The following LRPPRC variants were observed in gnomAD, a reference collection of about 807,000 sequenced individuals.
LRPPRC encodes the protein leucine rich pentatricopeptide repeat containing, also known as leucine-rich PPR motif-containing protein, mitochondrial.
A neutral mutation model predicts 180.3 loss-of-function variants in LRPPRC; 120 were observed. The observed-to-expected ratio is 0.67, with a 90% CI of 0.57 to 0.77. LRPPRC has a LOEUF of 0.77. LRPPRC is among the 30% of genes least tolerant of loss of function. LRPPRC has a pLI of 0.00. For synonymous variants in LRPPRC, 723 were observed against 600.0 expected (o/e 1.21, Z -3.00); for missense variants, 2,012 against 1,657.2 (o/e 1.21, Z -3.72).
intron 6 of LRPPRC, 44 bp from the exon 7 acceptor site, chr2:43,975,261 T>C: frequency 6.5e-7 from 1 of 1,548,674 alleles, no homozygotes; most frequent in Non-Finnish European, 8.9e-7. Flanking sequence ...TTTTGCCAAA[T>C]TTAATATAGT....
chr2:43,942,092 T>A lies in LRPPRC; in HGVS notation c.2504+1595A>T, dbSNP rs191766350. On this transcript the variant is annotated intron_variant, in intron 23 of 37. Coordinates refer to ENST00000260665, the MANE Select transcript of LRPPRC (RefSeq NM_133259.4). ...CACACCGTTTCCATTTTCCCATGGGTAAGCTCTCCTTGGTTCATGAGCCCC... is the reference window on the plus strand; with the variant it reads ...CACACCGTTTCCATTTTCCCATGGGAAAGCTCTCCTTGGTTCATGAGCCCC... 2.6e-3 allele frequency among the ~76,000 whole-genome samples: 402 copies of A among 152,200 alleles called. 3 individuals are homozygous for A. The highest frequency in any genetic ancestry group is 8.1e-3 in the South Asian group (39 of 4,818).
At chr2:43,908,172 G>A (rs1194158781) in intron 30 of LRPPRC, among the ~76,000 whole-genome samples, 2 of 152,182 alleles carry the variant, frequency 1.3e-5, no homozygotes, top group Non-Finnish European at 2.9e-5. Flanking sequence ...AAAAGATAAA[G>A]TAGGGTTGTT....
rs538339995 is a variant in LRPPRC at position 43,944,982 on chromosome 2, G to A, written c.2296+350C>T. ...TAGGTTTTACGTTTATAGGTTTTAC[G>A]TTCAGCCTTCAGACCTTCTTAAGCA... On this transcript the variant is annotated intron_variant, in intron 22 of 37. Coordinates refer to ENST00000260665, the MANE Select transcript of LRPPRC (RefSeq NM_133259.4). Among the ~76,000 whole-genome samples the A allele has an allele frequency of 7.8e-4, 119 of 152,150 alleles. No homozygotes were observed. In the Middle Eastern group the frequency reaches 0.01, roughly 13 times the overall value.
intron 14 of LRPPRC, among the ~76,000 whole-genome samples, chr2:43,952,137 G>C (rs1018001546): frequency 6.6e-6 from 1 of 151,944 alleles, no homozygotes; most frequent in Non-Finnish European, 1.5e-5. Context: ...AGGTTGCGGT[G>C]AGCCAAGATC....
At position 43,974,331 on chromosome 2, in the gene LRPPRC, C is replaced by A. The variant is rs760562489; in HGVS notation, c.1010-36G>T. 4 of 1,512,070 alleles carry A rather than the reference C, an allele frequency of 2.6e-6. No homozygotes were observed. The African/African-American group carries it at 5.5e-5, about 21-fold the overall frequency. 93.7% of individuals were successfully genotyped at this position (1,512,070 alleles called of 1,614,324 possible). The stretch of plus-strand genomic sequence containing the variant: ...AACAAAGACATCTTTTGTTAATAAA[C>A]TGAACAATATTTTTACACTGCAACC... On this transcript the variant is annotated intron_variant, in intron 8 of 37. Coordinates refer to ENST00000260665, the MANE Select transcript of LRPPRC (RefSeq NM_133259.4).
At chr2:43,893,237 C>G (rs1230299046) in intron 36 of LRPPRC, among the ~76,000 whole-genome samples, 3 of 152,170 alleles carry the variant, frequency 2.0e-5, no homozygotes, top group African/African-American at 7.2e-5. Flanking sequence ...GAGATGACAA[C>G]AAAGGATTCA....
At chr2:43,995,728 C>A in intron 1 of LRPPRC, 71 bp downstream of exon 1, 1 of 1,312,388 alleles carries the variant, frequency 7.6e-7, no homozygotes, top group Non-Finnish European at 9.7e-7. Flanking sequence ...GGACCCGGTC[C>A]CTGCCGGCAC....
rs763870781 is a variant in LRPPRC, at chr2:43,974,150, C to T, written c.1155G>A (p.Thr385=). 10 of 1,613,118 alleles carry T rather than the reference C, an allele frequency of 6.2e-6. No homozygotes were observed. Among genetic ancestry groups the T allele is most frequent in the East Asian group, 2.2e-5 (1 of 44,862 alleles). Residue 385 remains threonine, a splice_region_variant and synonymous_variant, in exon 9 of 38, where the codon ACG becomes ACA. Coordinates refer to ENST00000260665, the MANE Select transcript of LRPPRC (RefSeq NM_133259.4). ...FFLQHCVTMN[T]PVEKLTDYCK... ...TACAAAGTAAAAGTGGACAGAATAC[C>T]GTATTCATAGTCACACAGTGTTGTA...
chr2:43,991,655 G>C (rs1445867873), intron 1 of LRPPRC, among the ~76,000 whole-genome samples: 2 of 152,204 alleles, frequency 1.3e-5, no homozygotes, highest in African/African-American at 4.8e-5. Flanking sequence ...CAGAGTAAAA[G>C]CTGGTTTTCC....
At chr2:43,988,373 CT>C (rs1674626340) in intron 1 of LRPPRC, among the ~76,000 whole-genome samples, 1 of 151,878 alleles carries the variant, frequency 6.6e-6, no homozygotes, top group South Asian at 2.1e-4. Flanking sequence ...CCCATCTCTA[CT>C]AAAAATACAA....
intron 1 of LRPPRC, among the ~76,000 whole-genome samples, chr2:43,983,518 G>C (rs1271802314): frequency 1.3e-5 from 2 of 152,070 alleles, no homozygotes; most frequent in African/African-American, 2.4e-5. Flanking sequence ...AATCTGAGTT[G>C]AATTTAAAAA....
At chr2:43,944,932 AG>A (rs1672623005) in intron 22 of LRPPRC, among the ~76,000 whole-genome samples, 1 of 152,122 alleles carries the variant, frequency 6.6e-6, no homozygotes, top group Non-Finnish European at 1.5e-5. Context: ...TGCAAAATTC[AG>A]GCGCATATAT....
At chr2:43,952,882 AATCTTAACTTC>A (rs1202649380) in intron 14 of LRPPRC, among the ~76,000 whole-genome samples, 9 of 152,160 alleles carry the variant, frequency 5.9e-5, no homozygotes, top group East Asian at 5.8e-4. Flanking sequence ...AATATCTGTC[AATCTTAACTTC>A]ATCATGTAAA....
intron 32 of LRPPRC, among the ~76,000 whole-genome samples, chr2:43,900,116 CT>C (rs1441865942): frequency 3.9e-5 from 6 of 152,190 alleles, no homozygotes; most frequent in African/African-American, 1.4e-4. Flanking sequence ...ATGTCTCTAA[CT>C]TATGGTCGCC....
chr2:43,951,904 A>T (rs558855392), intron 14 of LRPPRC, among the ~76,000 whole-genome samples: 1 of 152,330 alleles, frequency 6.6e-6, no homozygotes, highest in East Asian at 1.9e-4. Context: ...CAAATAAAAA[A>T]TAGTTAAGGC....
chr2:43,924,066 G>A (rs1671790982), intron 27 of LRPPRC, among the ~76,000 whole-genome samples: 1 of 152,110 alleles, frequency 6.6e-6, no homozygotes, highest in Non-Finnish European at 1.5e-5. Context: ...AAAATTTTAA[G>A]CAAGTTTAAT....
Position 43,979,809 on chromosome 2 carries a change from T to C in LRPPRC, c.469+17A>G. ...ATCTACACCTTTTATACACATCATA[T>C]ATTTAAACAATCATACCTAATTTCT... On this transcript the variant is annotated intron_variant, in intron 3 of 37. Transcript: ENST00000260665. The C allele has an allele frequency of 6.2e-7, 1 of 1,610,816 alleles. No homozygotes were observed. Among genetic ancestry groups the C allele is most frequent in the Non-Finnish European group, 8.5e-7 (1 of 1,177,136 alleles).
intron 1 of LRPPRC, among the ~76,000 whole-genome samples, chr2:43,984,005 T>C (rs543540797): frequency 6.6e-6 from 1 of 152,284 alleles, no homozygotes; most frequent in South Asian, 2.1e-4. Context: ...GATCAGCACA[T>C]TGTAGATGGC....
intron 25 of LRPPRC, among the ~76,000 whole-genome samples, chr2:43,929,949 AAAACAAACAAAC>A (rs34536805): frequency 0.039 from 5,806 of 150,298 alleles, 150 homozygotes; most frequent in Non-Finnish European, 0.052. Context: ...GGACAAAACA[AAAACAAACAAAC>A]AAACAAACAA....
Sources: allele counts gnomAD v4.1 joint callset (sites outside exome capture counted in the v4.1 genomes callset), GRCh38; gene constraint gnomAD v4.1.1; transcripts MANE v1.5; gene names NCBI Gene and HGNC (gene_info 2026-07-23, HGNC 2026-07-21).